PCDHGB4: variants seen among roughly 807,000 people sequenced by gnomAD.
PCDHGB4 encodes protocadherin gamma-B4.
In PCDHGB4, 38 loss-of-function variants were observed where a neutral mutation model predicts 60.5. The observed-to-expected ratio is 0.63, with a 90% CI of 0.48 to 0.82. The LOEUF (loss-of-function observed/expected upper bound fraction) is 0.82, where lower values mean the gene tolerates loss of function less well. PCDHGB4 is among the 40% of genes least tolerant of loss of function. PCDHGB4 has a pLI of 0.00. For synonymous variants in PCDHGB4, 456 were observed against 509.7 expected (o/e 0.89, Z 1.42); for missense variants, 1,109 against 1,209.6 (o/e 0.92, Z 1.23).
At chr5:141,423,264 C>G (rs1452323474) in intron 1 of PCDHGB4, 1 of 1,613,986 alleles carries the variant, frequency 6.2e-7, no homozygotes. Flanking sequence ...TCGGCAGCCT[C>G]GAGTCTCTGG....
Position 141,418,943 on chromosome 5 carries a change from C to T in PCDHGB4, c.2397+28662C>T, listed in dbSNP as rs751344893. On this transcript the variant is annotated intron_variant, in intron 1 of 3. Coordinates refer to ENST00000519479, the MANE Select transcript of PCDHGB4 (RefSeq NM_003736.4). ...TGATCAGATTATGGAGGATTCCCCT[C>T]CAGGAGTGGTTGTTGCCCTCTTCAA... The T allele has an allele frequency of 3.1e-6, 5 of 1,613,914 alleles. No homozygotes were observed. The African/African-American group carries it at 6.7e-5, about 22-fold the overall frequency.
In PCDHGB4 at chr5:141,420,606, G is replaced by A. The variant is rs141099124; in HGVS notation, c.2397+30325G>A. On this transcript the variant is annotated intron_variant, in intron 1 of 3. Coordinates refer to ENST00000519479, the MANE Select transcript of PCDHGB4 (RefSeq NM_003736.4). Reference sequence around the variant, plus strand: ...CCTGATGCTACTCAATTTTTCTCAAGTATTTCATCTTCATTTACTCAATAA... The same window carrying A: ...CCTGATGCTACTCAATTTTTCTCAAATATTTCATCTTCATTTACTCAATAA... Among the ~76,000 whole-genome samples the A allele has an allele frequency of 2.7e-3, 411 of 152,256 alleles. 1 individual carries two copies. Among genetic ancestry groups the A allele is most frequent in the African/African-American group, 9.4e-3 (392 of 41,546 alleles).
chr5:141,466,285 C>A (rs1271958613), intron 1 of PCDHGB4, among the ~76,000 whole-genome samples: 1 of 152,148 alleles, frequency 6.6e-6, no homozygotes, highest in African/African-American at 2.4e-5. Context: ...ATCTTCCCAC[C>A]TCAGGCTCCC....
At chr5:141,409,529 G>T (rs2095278932) in intron 1 of PCDHGB4, 1 of 1,613,962 alleles carries the variant, frequency 6.2e-7, no homozygotes, top group Non-Finnish European at 8.5e-7. Flanking sequence ...CTTGTATGTC[G>T]CTGACATCAA....
At chr5:141,482,602 C>T (rs2099569087) in intron 1 of PCDHGB4, among the ~76,000 whole-genome samples, 1 of 142,506 alleles carries the variant, frequency 7.0e-6, no homozygotes, top group Non-Finnish European at 1.5e-5. Flanking sequence ...CGGGAAAAAA[C>T]ACCTAAATGA....
intron 1 of PCDHGB4, among the ~76,000 whole-genome samples, chr5:141,466,790 A>C (rs1240777427): frequency 2.0e-5 from 3 of 152,210 alleles, no homozygotes; most frequent in Non-Finnish European, 2.9e-5. Context: ...TTAGTGCCTC[A>C]AACTAGATCC....
intron 1 of PCDHGB4, chr5:141,478,778 C>A: frequency 6.7e-7 from 1 of 1,488,178 alleles, no homozygotes; most frequent in Non-Finnish European, 8.9e-7. Flanking sequence ...ATCTGTGGAC[C>A]TAATTCACAT....
Position 141,487,613 on chromosome 5 carries a change from G to C in PCDHGB4, c.2398-7194G>C, listed in dbSNP as rs1460090760. 1 of 1,614,218 alleles carries C rather than the reference G, an allele frequency of 6.2e-7. No homozygotes were observed. ...ACCCTCTGATCTTCTCTATGGGCTA[G>C]AGGTGAGACCTTTGCAGGCTCAACA... On this transcript the variant is annotated intron_variant, in intron 1 of 3. Coordinates refer to ENST00000519479, the MANE Select transcript of PCDHGB4 (RefSeq NM_003736.4). The surrounding 1 kb of genome is among the most constrained non-coding windows in gnomAD (Gnocchi z 5.0).
At chr5:141,395,431 C>T (rs929194882) in intron 1 of PCDHGB4, 19 of 702,102 alleles carry the variant, frequency 2.7e-5, no homozygotes, top group Non-Finnish European at 4.0e-5. Context: ...TGCTTTTAAA[C>T]GACTTGGAAA....
chr5:141,494,251 G>C (rs961451413), intron 1 of PCDHGB4, among the ~76,000 whole-genome samples: 2 of 152,214 alleles, frequency 1.3e-5, no homozygotes, highest in African/African-American at 4.8e-5. Context: ...TTAGCTGTGG[G>C]AAGAGATTCT....
intron 1 of PCDHGB4, chr5:141,403,422 C>G: frequency 6.2e-7 from 1 of 1,614,030 alleles, no homozygotes; most frequent in Non-Finnish European, 8.5e-7. Flanking sequence ...CTTCCAGAAG[C>G]TATTGATCCG....
chr5:141,427,956 C>T, intron 1 of PCDHGB4: 1 of 1,587,304 alleles, frequency 6.3e-7, no homozygotes, highest in African/African-American at 1.3e-5. Context: ...TGACAATGTG[C>T]CGCGGGTGCT....
At chr5:141,492,168 A>C (rs1426223836) in intron 1 of PCDHGB4, among the ~76,000 whole-genome samples, 1 of 152,108 alleles carries the variant, frequency 6.6e-6, no homozygotes, top group African/African-American at 2.4e-5. Context: ...CTATCCCCGC[A>C]TCACCCAACC....
chr5:141,489,983 G>T lies in PCDHGB4; in HGVS notation c.2398-4824G>T. ...CCAACCTTCCAATCCTCAGTTCTACGTGTGGGAATCCCAGAGAATGCACCC... is the reference window on the plus strand; with the variant it reads ...CCAACCTTCCAATCCTCAGTTCTACTTGTGGGAATCCCAGAGAATGCACCC... On this transcript the variant is annotated intron_variant, in intron 1 of 3. Coordinates refer to ENST00000519479, the MANE Select transcript of PCDHGB4 (RefSeq NM_003736.4). The surrounding 1 kb of genome is among the most constrained non-coding windows in gnomAD (Gnocchi z 4.5). The T allele has an allele frequency of 6.2e-7, 1 of 1,614,172 alleles. No homozygotes were observed. Among genetic ancestry groups the T allele is most frequent in the Non-Finnish European group, 8.5e-7 (1 of 1,179,996 alleles).
intron 1 of PCDHGB4, chr5:141,405,551 A>G: frequency 1.6e-6 from 1 of 623,672 alleles, no homozygotes; most frequent in Non-Finnish European, 2.8e-6. Context: ...TCCCAAGTAG[A>G]GTAGCTGGGA....
intron 1 of PCDHGB4, chr5:141,414,381 T>A: frequency 6.2e-7 from 1 of 1,613,866 alleles, no homozygotes. Context: ...AAAAGTCCAT[T>A]GACAGTTATT....
At chr5:141,422,280 C>G (rs748287385) in intron 1 of PCDHGB4, 9 of 1,557,754 alleles carry the variant, frequency 5.8e-6, no homozygotes, top group Non-Finnish European at 7.8e-6. Flanking sequence ...TAACTATCAC[C>G]TCTTCTATTA....
At chr5:141,423,572 G>A (rs1239529114) in intron 1 of PCDHGB4, 1 of 1,613,510 alleles carries the variant, frequency 6.2e-7, no homozygotes, top group Admixed American at 1.7e-5. Flanking sequence ...ACGCTCATCA[G>A]CCAGGAGAGC....
chr5:141,413,235 C>A, intron 1 of PCDHGB4: 1 of 1,613,954 alleles, frequency 6.2e-7, no homozygotes, highest in Non-Finnish European at 8.5e-7. Context: ...TGGTCCTGCT[C>A]TGCCTTTTCT....
Sources: allele counts gnomAD v4.1 joint callset (sites outside exome capture counted in the v4.1 genomes callset), GRCh38; gene constraint gnomAD v4.1.1; non-coding constraint Gnocchi (gnomAD v3.1); transcripts MANE v1.5; gene names NCBI Gene and HGNC (gene_info 2026-07-23, HGNC 2026-07-21).